Variants in ITGB5 observed in about 807,000 individuals in gnomAD.
The protein encoded by ITGB5 is integrin beta-5.
In ITGB5, 38 loss-of-function variants were observed where a neutral mutation model predicts 84.8. That is an observed-to-expected ratio of 0.45 (90% CI 0.35 to 0.59). ITGB5 has a LOEUF of 0.59. ITGB5 is among the 20% of genes least tolerant of loss of function. ITGB5 has a pLI of 0.01. For synonymous variants in ITGB5, 393 were observed against 414.4 expected (o/e 0.95, Z 0.63); for missense variants, 905 against 1,034.5 (o/e 0.87, Z 1.72).
intron 1 of ITGB5, among the ~76,000 whole-genome samples, chr3:124,874,917 C>T (rs537195349): frequency 3.3e-5 from 5 of 152,234 alleles, no homozygotes; most frequent in African/African-American, 7.2e-5. Flanking sequence ...AGAAAATGCA[C>T]GAGGAAAGCT....
In ITGB5 at chr3:124,763,061, A is replaced by C. The variant is rs1312494094; in HGVS notation, c.*562T>G. The C allele has an allele frequency of 1.3e-5, 2 of 152,326 alleles. No individual in the cohort carries two copies. The highest frequency in any genetic ancestry group is 2.9e-5 in the Non-Finnish European group (2 of 68,112). The allele number at this position is 152,326 out of a possible 1,614,324, so 9.4% of individuals were successfully genotyped here. A position where few individuals can be genotyped will look rare whatever the true frequency, so the allele number is the denominator to read the frequency against. On this transcript the variant is annotated 3_prime_UTR_variant, in exon 15 of 15. Transcript: ENST00000296181. The stretch of plus-strand genomic sequence containing the variant: ...AACACGGACAGGAGAGGAAACTGAC[A>C]TTTGCAAACGATGTACCTTCAACAG...
chr3:124,823,578 G>A (rs2064739610), intron 5 of ITGB5, among the ~76,000 whole-genome samples: 1 of 150,478 alleles, frequency 6.6e-6, no homozygotes, highest in Non-Finnish European at 1.5e-5. Context: ...TGCTGGTGAT[G>A]TTCTGTTTCT....
At chr3:124,811,278 G>A (rs1165070286) in intron 8 of ITGB5, among the ~76,000 whole-genome samples, 6 of 152,154 alleles carry the variant, frequency 3.9e-5, no homozygotes, top group Admixed American at 1.3e-4. Flanking sequence ...ACAATCTGTC[G>A]TTGAATGAAT....
chr3:124,834,731 T>G (rs2064909091), intron 5 of ITGB5, among the ~76,000 whole-genome samples: 1 of 151,564 alleles, frequency 6.6e-6, no homozygotes, highest in Non-Finnish European at 1.5e-5. Flanking sequence ...GGAAGTAGTA[T>G]CAAAGAAAAC....
intron 2 of ITGB5, among the ~76,000 whole-genome samples, chr3:124,867,350 C>G (rs1312850198): frequency 6.6e-6 from 1 of 152,228 alleles, no homozygotes; most frequent in Non-Finnish European, 1.5e-5. Context: ...TTCACAGCAG[C>G]CTGGTACTGC....
intron 12 of ITGB5, among the ~76,000 whole-genome samples, chr3:124,768,151 G>A (rs2063793112): frequency 1.3e-5 from 2 of 152,198 alleles, no homozygotes; most frequent in South Asian, 4.1e-4. Flanking sequence ...ATGTACGTTA[G>A]GACCAAGACA....
At chr3:124,891,868 A>G (rs1474877252), upstream of ITGB5, among the ~76,000 whole-genome samples, 1 of 152,012 alleles carries the variant, frequency 6.6e-6, no homozygotes, top group East Asian at 1.9e-4. Context: ...GCCATGAGCC[A>G]TGATTGCACC....
At chr3:124,874,187 G>A (rs1382952306) in intron 1 of ITGB5, among the ~76,000 whole-genome samples, 3 of 151,320 alleles carry the variant, frequency 2.0e-5, no homozygotes, top group South Asian at 4.2e-4. Flanking sequence ...AGGCAACATA[G>A]GGTCCCTGTC....
chr3:124,836,439 T>G (rs1403805805), intron 5 of ITGB5, among the ~76,000 whole-genome samples: 1 of 150,776 alleles, frequency 6.6e-6, no homozygotes, highest in Non-Finnish European at 1.5e-5. Context: ...GAATGAGATC[T>G]CCTTTCAAAA....
At chr3:124,837,567 T>C (rs2064952059) in intron 5 of ITGB5, among the ~76,000 whole-genome samples, 1 of 152,184 alleles carries the variant, frequency 6.6e-6, no homozygotes, top group Non-Finnish European at 1.5e-5. Flanking sequence ...AAAACCTCCA[T>C]TCATAGAAAC....
chr3:124,802,571 G>A (rs1321440960), intron 9 of ITGB5, among the ~76,000 whole-genome samples: 2 of 152,236 alleles, frequency 1.3e-5, no homozygotes, highest in Non-Finnish European at 2.9e-5. Context: ...GCAGTCACAA[G>A]GGCCCCCACT....
intron 10 of ITGB5, among the ~76,000 whole-genome samples, chr3:124,774,604 C>A (rs140403641): frequency 6.6e-6 from 1 of 152,188 alleles, no homozygotes; most frequent in African/African-American, 2.4e-5. Flanking sequence ...TGATTTCAGG[C>A]TTCTGACCTC....
At chr3:124,871,473 C>G (rs1002388875) in intron 2 of ITGB5, among the ~76,000 whole-genome samples, 7 of 152,066 alleles carry the variant, frequency 4.6e-5, no homozygotes, top group Non-Finnish European at 8.8e-5. Context: ...GGATTACAGG[C>G]GTGAGCCACC....
chr3:124,846,835 G>A (rs777880606), intron 4 of ITGB5, among the ~76,000 whole-genome samples: 4 of 152,178 alleles, frequency 2.6e-5, no homozygotes, highest in Non-Finnish European at 4.4e-5. Context: ...TCAGGAGACT[G>A]GGGCAGGAGA....
chr3:124,765,589 C>A (rs1404919767), intron 13 of ITGB5, among the ~76,000 whole-genome samples: 1 of 152,224 alleles, frequency 6.6e-6, no homozygotes, highest in Non-Finnish European at 1.5e-5. Context: ...CACGTCTGTG[C>A]TCCTCCAAGA....
At position 124,880,882 on chromosome 3, in the gene ITGB5, TCACAC is replaced by T. The variant is rs549440477; in HGVS notation, c.70+6044_70+6048del. Among the ~76,000 whole-genome samples, 13 of 151,596 alleles carry T rather than the reference TCACAC, an allele frequency of 8.6e-5. No individual in the cohort carries two copies. In the East Asian group the frequency reaches 2.5e-3, roughly 29 times the overall value. On this transcript the variant is annotated intron_variant, in intron 1 of 14. Transcript: ENST00000296181. ...AGGCAGAGGTTGCAGTGAGTCAAGA[TCACAC>T]CACTGTACTCCAGCCTGGGCAACAG...
intron 9 of ITGB5, among the ~76,000 whole-genome samples, chr3:124,801,229 T>C (rs1025631987): frequency 1.3e-5 from 2 of 152,194 alleles, no homozygotes; most frequent in African/African-American, 4.8e-5. Context: ...GCCAGCCACT[T>C]GCATACTGAT....
At chr3:124,823,259 T>C (rs1419659310) in intron 5 of ITGB5, among the ~76,000 whole-genome samples, 2 of 151,912 alleles carry the variant, frequency 1.3e-5, no homozygotes, top group Non-Finnish European at 2.9e-5. Flanking sequence ...CAAGATCCTG[T>C]CTGTAAAAAA....
At position 124,762,935 on chromosome 3, in the gene ITGB5, AACAC is replaced by A. The variant is rs1224737959; in HGVS notation, c.*684_*687del. On this transcript the variant is annotated 3_prime_UTR_variant, in exon 15 of 15. Transcript: ENST00000296181. ...TTTTAAGTCCGCTCAGAAAGAAAGAAACACACAGAGAGTATCAGACAAACACAAA... is the reference window on the plus strand; with the variant it reads ...TTTTAAGTCCGCTCAGAAAGAAAGAAACAGAGAGTATCAGACAAACACAAA... The A allele has an allele frequency of 6.6e-6, 1 of 152,262 alleles. No homozygotes were observed. 9.4% of individuals were successfully genotyped at this position (152,262 alleles called of 1,614,324 possible).
Sources: gnomAD v4.1 joint callset for allele counts (sites outside exome capture counted in the v4.1 genomes callset) on GRCh38, gnomAD v4.1.1 for gene constraint, MANE v1.5 for transcripts, NCBI Gene and HGNC (gene_info 2026-07-23, HGNC 2026-07-21) for gene names.